Variants in PLXND1 observed in about 807,000 individuals in gnomAD.
PLXND1 encodes the protein plexin-D1.
Under a neutral mutation model 197.7 loss-of-function variants are expected in PLXND1, and 54 were observed. That is an observed-to-expected ratio of 0.27 (90% CI 0.22 to 0.34). PLXND1 has a LOEUF of 0.34. Among genes scored for constraint, PLXND1 ranks in the 10% least tolerant of loss-of-function variants. PLXND1 has a pLI of 1.00. For synonymous variants in PLXND1, 1,180 were observed against 1,161.2 expected (o/e 1.02, Z -0.33); for missense variants, 2,127 against 2,699.2 (o/e 0.79, Z 4.70).
At position 129,555,675 on chromosome 3, in the gene PLXND1, C is replaced by G; in HGVS notation, c.*637G>C. The G allele has an allele frequency of 1.8e-6, 1 of 542,778 alleles. No individual in the cohort carries two copies. Among genetic ancestry groups the G allele is most frequent in the Non-Finnish European group, 3.2e-6 (1 of 311,642 alleles). 33.6% of individuals were successfully genotyped at this position (542,778 alleles called of 1,614,324 possible). On this transcript the variant is annotated 3_prime_UTR_variant, in exon 36 of 36. Coordinates refer to ENST00000324093, the MANE Select transcript of PLXND1 (RefSeq NM_015103.3). ...GGCTCCCAGCTCCTGTGCCCCCCAT[C>G]CCTCCCCTCCACCCTCCCTGCTCCT...
At chr3:129,570,220 AG>A (rs2085204288) in intron 19 of PLXND1, among the ~76,000 whole-genome samples, 1 of 152,126 alleles carries the variant, frequency 6.6e-6, no homozygotes, top group Non-Finnish European at 1.5e-5. Flanking sequence ...TGGGAGGAGT[AG>A]TGAGTGAGCA....
chr3:129,586,951 C>T (rs2085470491), intron 2 of PLXND1, among the ~76,000 whole-genome samples: 1 of 152,202 alleles, frequency 6.6e-6, no homozygotes, highest in African/African-American at 2.4e-5. Flanking sequence ...CAAGGCATCC[C>T]GCCCTGTGAA....
In PLXND1 at chr3:129,585,885, C is replaced by T. The variant is rs559767042; in HGVS notation, c.1851+67G>A. On this transcript the variant is annotated intron_variant, in intron 5 of 35. Coordinates refer to ENST00000324093, the MANE Select transcript of PLXND1 (RefSeq NM_015103.3). The stretch of plus-strand genomic sequence containing the variant: ...GGGTGGGAGTCTCCACCTCTCGGGG[C>T]CTGGGTGCTGGGTGAAGGGAGGCTC... 5.0e-6 allele frequency: 8 copies of T among 1,601,718 alleles called. No homozygotes were observed. The African/African-American group carries it at 9.4e-5, about 19-fold the overall frequency.
chr3:129,589,669 C>G (rs2085510087), intron 1 of PLXND1, 142 bp from the exon 2 acceptor site: 1 of 718,542 alleles, frequency 1.4e-6, no homozygotes, highest in East Asian at 2.8e-5. Context: ...TCAGCTGAGG[C>G]CCAAACACAA....
At chr3:129,570,717 G>A in intron 19 of PLXND1, 69 bp downstream of exon 19, 1 of 1,477,490 alleles carries the variant, frequency 6.8e-7, no homozygotes, top group East Asian at 2.3e-5. Context: ...CTGGGTGAGG[G>A]GCAGATGCTT....
At chr3:129,603,052 C>A (rs562798763) in intron 1 of PLXND1, among the ~76,000 whole-genome samples, 7 of 152,218 alleles carry the variant, frequency 4.6e-5, no homozygotes, top group Admixed American at 1.3e-4. Context: ...ATCCCTCCCC[C>A]ACCCCTGCCC....
At chr3:129,572,161 C>T (rs942401952) in intron 15 of PLXND1, among the ~76,000 whole-genome samples, 13 of 152,276 alleles carry the variant, frequency 8.5e-5, no homozygotes, top group East Asian at 1.9e-4. Flanking sequence ...TCCTACTTCC[C>T]GTGGGTATGT....
At position 129,560,671 on chromosome 3, in the gene PLXND1, C is replaced by A. The variant is rs1184624155; in HGVS notation, c.5028+18G>T. The A allele has an allele frequency of 6.3e-7, 1 of 1,593,558 alleles. No homozygotes were observed. Among genetic ancestry groups the A allele is most frequent in the Non-Finnish European group, 8.6e-7 (1 of 1,161,308 alleles). ...CACTGAGGGGCTGGATCCCCCGGGG[C>A]CGAGGTTGGGCACTCACCAAATGGA... On this transcript the variant is annotated intron_variant, in intron 30 of 35. Transcript: ENST00000324093.
rs2085219184 is a variant in PLXND1, at chr3:129,571,104, G to A, written c.3536C>T (p.Ser1179Phe). The A allele has an allele frequency of 6.2e-7, 1 of 1,614,226 alleles. No individual in the cohort carries two copies. Among genetic ancestry groups the A allele is most frequent in the African/African-American group, 1.3e-5 (1 of 75,062 alleles). ...RLDYLPNPQF[S>F]TAKREKWIKH... ...GATCCACTTCTCCCTCTTGGCCGTAGAGAACTGTGGGTTGGGGAGGTAGTC... is the reference window on the plus strand; with the variant it reads ...GATCCACTTCTCCCTCTTGGCCGTAAAGAACTGTGGGTTGGGGAGGTAGTC... The change falls in exon 18 of 36, where the codon TCT becomes TTT. Residue 1179 changes from serine (S) to phenylalanine (F), a missense_variant. Ser to Phe is a radical substitution (Grantham distance 155, BLOSUM62 -2). Transcript: ENST00000324093.
At chr3:129,584,709 C>T in intron 5 of PLXND1, 147 bp from the exon 6 acceptor site, 2 of 684,490 alleles carry the variant, frequency 2.9e-6, no homozygotes, top group Non-Finnish European at 2.4e-6. Context: ...GGCCAGAGGG[C>T]TATGCCCTAC....
intron 12 of PLXND1, 138 bp downstream of exon 12, chr3:129,574,198 C>CTT: frequency 1.4e-6 from 1 of 732,616 alleles, no homozygotes; most frequent in Admixed American, 2.9e-5. Flanking sequence ...AGAGCACTTC[C>CTT]TTTTGTTCAC....
chr3:129,569,818 G>A (rs1162019240), intron 20 of PLXND1, 25 bp downstream of exon 20: 1 of 1,341,554 alleles, frequency 7.5e-7, no homozygotes, highest in African/African-American at 1.4e-5. Flanking sequence ...GCCCTCCAAG[G>A]TGTCCTGAGG....
chr3:129,603,144 C>T (rs1380356602), intron 1 of PLXND1, among the ~76,000 whole-genome samples: 7 of 152,190 alleles, frequency 4.6e-5, no homozygotes, highest in Non-Finnish European at 1.0e-4. Flanking sequence ...ACAGCGGGCA[C>T]GGCGAAGAGG....
At chr3:129,564,136 G>A (rs940867737) in intron 25 of PLXND1, among the ~76,000 whole-genome samples, 16 of 152,312 alleles carry the variant, frequency 1.1e-4, no homozygotes, top group African/African-American at 3.8e-4. Context: ...GCAGAAGGCG[G>A]AGGCACCCCA....
intron 8 of PLXND1, among the ~76,000 whole-genome samples, chr3:129,582,180 G>A (rs2085396675): frequency 6.6e-6 from 1 of 152,266 alleles, no homozygotes; most frequent in Non-Finnish European, 1.5e-5. Context: ...AGCAGTTATG[G>A]GGCTCAGGTG....
rs766476368 is a variant in PLXND1 at position 129,566,609 on chromosome 3, C to T, written c.4109G>A (p.Arg1370His). ...GAGGGTCTGGGAGGGCAGCACGTAA[C>T]GCTCTTCATAAAGGGAGGAACACTG... The part of the protein sequence containing the change: ...FPKCSSLYEE[R>H]YVLPSQTLNS... The change falls in exon 23 of 36, where the codon CGT becomes CAT. Residue 1370 changes from arginine to histidine, a missense_variant. Physicochemically the swap from Arg to His is conservative, Grantham distance 29. This residue lies in a region of PLXND1 where 532 missense variants were observed against 811.0 expected (regional missense o/e 0.66). Transcript: ENST00000324093. 19 of 1,609,240 alleles carry T rather than the reference C, an allele frequency of 1.2e-5. No individual in the cohort carries two copies. The East Asian group carries it at 1.8e-4, about 15-fold the overall frequency.
intron 18 of PLXND1, 39 bp from the exon 19 acceptor site, chr3:129,570,974 C>T (rs754687877): frequency 6.2e-7 from 1 of 1,613,848 alleles, no homozygotes; most frequent in East Asian, 2.2e-5. Flanking sequence ...TGGGGAAGTG[C>T]TCCCGAGGCC....
At position 129,585,953 on chromosome 3, in the gene PLXND1, G is replaced by A; in HGVS notation, c.1850C>T (p.Pro617Leu). 6.2e-7 allele frequency: 1 copy of A among 1,613,984 alleles called. No homozygotes were observed. The highest frequency in any genetic ancestry group is 8.5e-7 in the Non-Finnish European group (1 of 1,179,996). ...GGTCTTGCCTCCCCCAGGACTCACT[G>A]GGTACTCCTGGCGCACATCGATCTC... is the stretch of plus-strand genomic sequence containing the variant. ...PSEIDVRQEY[P>L]GMILQISGSL... is the part of the protein sequence containing the mutation. The change falls in exon 5 of 36, where the codon CCA (proline) becomes CTA (leucine). Residue 617 changes from proline (P) to leucine (L), a missense_variant and splice_region_variant. Physicochemically the swap from Pro to Leu is moderately conservative, Grantham distance 98. This residue lies in a region of PLXND1 where 1,095 missense variants were observed against 1,259.8 expected (regional missense o/e 0.87). Coordinates refer to ENST00000324093, the MANE Select transcript of PLXND1 (RefSeq NM_015103.3).
intron 13 of PLXND1, 142 bp downstream of exon 13, chr3:129,573,452 G>A (rs906185018): frequency 4.7e-5 from 38 of 809,928 alleles, no homozygotes; most frequent in Middle Eastern, 3.4e-4. Flanking sequence ...GAATGGCTTC[G>A]GCACAGGCCT....
Sources: gnomAD v4.1 joint callset for allele counts (sites outside exome capture counted in the v4.1 genomes callset) on GRCh38, gnomAD v4.1.1 for gene constraint, gnomAD v4.1.1 regional missense constraint, MANE v1.5 for transcripts, NCBI Gene and HGNC (gene_info 2026-07-23, HGNC 2026-07-21) for gene names.